The following RBMS1 variants were observed in gnomAD, a reference collection of about 807,000 sequenced individuals.
RBMS1 encodes RNA binding motif single stranded interacting protein 1, also known as RNA-binding motif, single-stranded-interacting protein 1.
A neutral mutation model predicts 62.3 loss-of-function variants in RBMS1; 17 were observed. The ratio of observed to expected loss-of-function variants is 0.27; its 90% CI spans 0.19 to 0.41. The LOEUF is 0.41. Among genes scored for constraint, RBMS1 ranks in the 10% least tolerant of loss-of-function variants. RBMS1 has a pLI of 1.00. For synonymous variants in RBMS1, 172 were observed against 170.0 expected (o/e 1.01, Z -0.09); for missense variants, 334 against 504.5 (o/e 0.66, Z 3.24).
chr2:160,324,882 G>GTGTATATATATATATATATATATA (rs1206910746), intron 2 of RBMS1, among the ~76,000 whole-genome samples: 1 of 100,016 alleles, frequency 1.0e-5, no homozygotes, highest in Non-Finnish European at 1.9e-5. Flanking sequence ...GTGTGTGTGT[G>GTGTATATATATATATATATATATA]TATATATATA....
chr2:160,345,856 G>A lies in RBMS1; in HGVS notation c.251+21360C>T, dbSNP rs375603867. Among the ~76,000 whole-genome samples the A allele has an allele frequency of 4.6e-5, 7 of 152,158 alleles. No individual in the cohort carries two copies. In the East Asian group the frequency reaches 1.4e-3, roughly 29 times the overall value. Reference sequence around the variant, plus strand: ...GGAACAATCTTTCCTTATAACGCTAGATTTAAAACTTAAAGAAGGTTGGAT... The same window carrying A: ...GGAACAATCTTTCCTTATAACGCTAAATTTAAAACTTAAAGAAGGTTGGAT... On this transcript the variant is annotated intron_variant, in intron 2 of 13. Transcript: ENST00000348849.
intron 2 of RBMS1, among the ~76,000 whole-genome samples, chr2:160,349,940 G>A (rs1483273488): frequency 6.6e-6 from 1 of 151,912 alleles, no homozygotes; most frequent in African/African-American, 2.4e-5. Flanking sequence ...CATGAGCAAG[G>A]TCCTGAAGGA....
In RBMS1 at chr2:160,367,395, G is replaced by C; in HGVS notation, c.76-4C>G. ...GGTGGGCTGGGACCAGAGACTGCTG[G>C]AAAACAAAGATCAGGAGCCTTAGTA... On this transcript the variant is annotated splice_region_variant and splice_polypyrimidine_tract_variant and intron_variant, in intron 1 of 13. Transcript: ENST00000348849. The C allele has an allele frequency of 6.2e-7, 1 of 1,613,998 alleles. No individual in the cohort carries two copies. Among genetic ancestry groups the C allele is most frequent in the Non-Finnish European group, 8.5e-7 (1 of 1,179,944 alleles).
intron 2 of RBMS1, among the ~76,000 whole-genome samples, chr2:160,348,056 A>C (rs763674900): frequency 4.6e-5 from 7 of 152,050 alleles, no homozygotes; most frequent in Non-Finnish European, 7.4e-5. Context: ...GATTATCTCT[A>C]ATTTTATTAC....
chr2:160,414,813 C>T (rs1696156565), intron 1 of RBMS1, among the ~76,000 whole-genome samples: 2 of 150,160 alleles, frequency 1.3e-5, no homozygotes, highest in African/African-American at 4.9e-5. Context: ...CACCACTGCA[C>T]TCCAGCCTGG....
intron 1 of RBMS1, among the ~76,000 whole-genome samples, chr2:160,368,543 C>T (rs1693539565): frequency 1.3e-5 from 2 of 152,216 alleles, no homozygotes; most frequent in Non-Finnish European, 1.5e-5. Context: ...CACCAACCTC[C>T]GTTGCCCACT....
In RBMS1 at chr2:160,327,931, TTTC is replaced by T. The variant is rs1691044109; in HGVS notation, c.252-9707_252-9705del. ...AACTGACAATAATTATTTCTTAAAT[TTTC>T]TTCCTCTCCCACCAAAACCTGTAAT... On this transcript the variant is annotated intron_variant, in intron 2 of 13. Coordinates refer to ENST00000348849, the MANE Select transcript of RBMS1 (RefSeq NM_016836.4). 7.2e-5 allele frequency among the ~76,000 whole-genome samples: 11 copies of T among 152,336 alleles called. 1 individual carries two copies. In the South Asian group the frequency reaches 2.3e-3, roughly 32 times the overall value.
intron 1 of RBMS1, among the ~76,000 whole-genome samples, chr2:160,374,944 T>C (rs1292721029): frequency 2.7e-5 from 4 of 145,790 alleles, no homozygotes; most frequent in African/African-American, 1.0e-4. Flanking sequence ...CGGGGGACGG[T>C]GGGGGGGAGG....
chr2:160,369,812 G>GT (rs573598662), intron 1 of RBMS1, among the ~76,000 whole-genome samples: 53 of 152,332 alleles, frequency 3.5e-4, no homozygotes, highest in African/African-American at 1.3e-3. Context: ...TTTGCCAGGA[G>GT]TGGAAAGGGA....
Position 160,277,353 on chromosome 2 carries a change from C to T in RBMS1, c.1093G>A (p.Ala365Thr), listed in dbSNP as rs545966645. 50 of 1,613,626 alleles carry T rather than the reference C, an allele frequency of 3.1e-5. No individual in the cohort carries two copies. In the South Asian group the frequency reaches 5.4e-4, roughly 17 times the overall value. Residue 365 changes from alanine (A) to threonine (T), a missense_variant, in exon 12 of 14, where the codon GCC (alanine) becomes ACC (threonine). Around this residue, in one of 3 missense-constraint regions of RBMS1, gnomAD observed 182 missense variants for 257.7 expected, o/e 0.71. Coordinates refer to ENST00000348849, the MANE Select transcript of RBMS1 (RefSeq NM_016836.4). ...YMPATSAMQG[A>T]YLPQYAHMQT... ...ATATGTGCATACTGTGGCAAGTAGGCTCCTTGCATAGCTGACGTTGCAGGC... is the reference window on the plus strand; with the variant it reads ...ATATGTGCATACTGTGGCAAGTAGGTTCCTTGCATAGCTGACGTTGCAGGC...
At chr2:160,431,679 C>T (rs1305569731) in intron 1 of RBMS1, among the ~76,000 whole-genome samples, 4 of 152,042 alleles carry the variant, frequency 2.6e-5, no homozygotes, top group Non-Finnish European at 5.9e-5. Context: ...GTAATCTGGA[C>T]TTTCAGTTCC....
In RBMS1 at chr2:160,407,663, C is replaced by T. The variant is rs1165676832; in HGVS notation, c.76-40272G>A. On this transcript the variant is annotated intron_variant, in intron 1 of 13. Transcript: ENST00000348849. ...CAGCTCTGGGAACTCCCTCTCGCCG[C>T]GCGGCGGCGGCCGGCGGGGGCTGCA... The T allele has an allele frequency of 1.4e-5, 14 of 981,742 alleles. No individual in the cohort carries two copies. The East Asian group carries it at 1.4e-3, about 97-fold the overall frequency. The allele number at this position is 981,742 out of a possible 1,614,324, so 60.8% of individuals were successfully genotyped here.
intron 1 of RBMS1, among the ~76,000 whole-genome samples, chr2:160,418,813 C>G (rs932352711): frequency 1.3e-5 from 2 of 152,120 alleles, no homozygotes; most frequent in Non-Finnish European, 2.9e-5. Context: ...TAATTGATCT[C>G]ACCTTGAAAG....
intron 4 of RBMS1, among the ~76,000 whole-genome samples, chr2:160,308,546 C>G (rs949084219): frequency 6.6e-6 from 1 of 152,172 alleles, no homozygotes; most frequent in Non-Finnish European, 1.5e-5. Context: ...AATAAACCCA[C>G]TGACATTTAA....
At chr2:160,437,636 G>A (rs1683164731) in intron 1 of RBMS1, among the ~76,000 whole-genome samples, 1 of 152,212 alleles carries the variant, frequency 6.6e-6, no homozygotes, top group African/African-American at 2.4e-5. Flanking sequence ...CGTCTGGATC[G>A]ACTTCCCAAG....
At chr2:160,477,337 ACT>A (rs1418181233) in intron 1 of RBMS1, among the ~76,000 whole-genome samples, 2 of 152,122 alleles carry the variant, frequency 1.3e-5, no homozygotes, top group African/African-American at 4.8e-5. Flanking sequence ...ACAGAGCGAG[ACT>A]CTGTTTCAAC....
chr2:160,286,222 C>A (rs1688381579), intron 7 of RBMS1, among the ~76,000 whole-genome samples: 1 of 148,048 alleles, frequency 6.8e-6, no homozygotes, highest in Admixed American at 6.6e-5. Context: ...ACTGCTTGAG[C>A]ACAGGAGTTC....
chr2:160,438,755 G>A (rs891954953), intron 1 of RBMS1, among the ~76,000 whole-genome samples: 17 of 152,286 alleles, frequency 1.1e-4, no homozygotes, highest in African/African-American at 3.9e-4. Flanking sequence ...ATCATGGCCC[G>A]TTCTCAATGA....
chr2:160,446,051 G>A (rs1683628030), intron 1 of RBMS1, among the ~76,000 whole-genome samples: 2 of 152,142 alleles, frequency 1.3e-5, no homozygotes, highest in South Asian at 4.2e-4. Flanking sequence ...AAGACATCTG[G>A]GCAAGAATAG....
Sources: allele counts gnomAD v4.1 joint callset (sites outside exome capture counted in the v4.1 genomes callset), GRCh38; gene constraint gnomAD v4.1.1; regional missense constraint gnomAD v4.1.1; transcripts MANE v1.5; gene names NCBI Gene and HGNC (gene_info 2026-07-23, HGNC 2026-07-21).